Variants in NEFH observed in about 807,000 individuals in gnomAD.
NEFH encodes neurofilament heavy polypeptide.
A neutral mutation model predicts 56.6 loss-of-function variants in NEFH; 58 were observed. The ratio of observed to expected loss-of-function variants is 1.03; its 90% confidence interval spans 0.83 to 1.28. NEFH has a LOEUF of 1.28. Among genes scored for constraint, NEFH ranks in the 50% most tolerant of loss-of-function variants. The pLI, the probability that NEFH is intolerant of heterozygous loss-of-function variation, is 0.00. For missense variants in NEFH, 1,221 were observed against 1,307.6 expected (o/e 0.93, Z 1.02); for synonymous variants, 542 against 545.8 (o/e 0.99, Z 0.10).
Position 29,490,129 on chromosome 22 carries a change from C to T in NEFH, c.2489C>T (p.Pro830Leu), listed in dbSNP as rs201757428. ...VKSPVKEEEK[P>L]QEVKVKEPPK... ...TCCCCAGTGAAGGAGGAGGAGAAGCCCCAGGAGGTGAAAGTCAAAGAGCCC... is the reference window on the plus strand; with the variant it reads ...TCCCCAGTGAAGGAGGAGGAGAAGCTCCAGGAGGTGAAAGTCAAAGAGCCC... Residue 830 changes from proline (P) to leucine (L), a missense_variant, in exon 4 of 4, where the codon CCC becomes CTC. This residue lies in a region of NEFH where 301 missense variants were observed against 346.6 expected (regional missense o/e 0.87). Coordinates refer to ENST00000310624, the MANE Select transcript of NEFH (RefSeq NM_021076.4). The T allele has an allele frequency of 6.2e-6, 10 of 1,613,680 alleles. 1 individual carries two copies. The East Asian group carries it at 1.8e-4, about 29-fold the overall frequency.
Position 29,489,583 on chromosome 22 carries a change from C to A in NEFH, c.1943C>A (p.Ser648Tyr), listed in dbSNP as rs1187899870. ...AKSPTKEEAK[S>Y]PEKAKSPEKE... The stretch of plus-strand genomic sequence containing the variant: ...TCTCCAACGAAGGAGGAAGCAAAGT[C>A]CCCTGAGAAGGCCAAGTCCCCAGAG... Residue 648 changes from serine (S) to tyrosine (Y), a missense_variant, in exon 4 of 4, where the codon TCC (serine) becomes TAC (tyrosine). Transcript: ENST00000310624. 1 of 1,613,144 alleles carries A rather than the reference C, an allele frequency of 6.2e-7. No homozygotes were observed. Among genetic ancestry groups the A allele is most frequent in the Non-Finnish European group, 8.5e-7 (1 of 1,179,572 alleles).
chr22:29,486,335 A>G lies in NEFH; in HGVS notation c.1208+488A>G, dbSNP rs6006162. Among the ~76,000 whole-genome samples the G allele has an allele frequency of 8.7e-3, 1,314 of 151,670 alleles. 23 individuals are homozygous for G. The highest frequency in any genetic ancestry group is 0.03 in the African/African-American group (1,235 of 41,370). ...CCACCATGACCAGCCCCATTCAACA[A>G]TGTTAAGTAGGCAGTTCAGTGATAT... On this transcript the variant is annotated intron_variant, in intron 3 of 3. Transcript: ENST00000310624.
chr22:29,485,950 G>A, intron 3 of NEFH, 103 bp downstream of exon 3: 1 of 1,276,598 alleles, frequency 7.8e-7, no homozygotes. Context: ...ACCTGTCTTA[G>A]GGACAAAATT....
chr22:29,489,987 G>T lies in NEFH; in HGVS notation c.2347G>T (p.Glu783Ter). Reference protein sequence around the residue: ...EARSPADKFPEKAKSPVKEEV... With the variant: ...EARSPADKFP Reference sequence around the variant, plus strand: ...AAGGTCCCCTGCAGACAAATTCCCTGAAAAGGCCAAAAGCCCTGTCAAGGA... The same window carrying T: ...AAGGTCCCCTGCAGACAAATTCCCTTAAAAGGCCAAAAGCCCTGTCAAGGA... The change falls in exon 4 of 4, where the codon GAA (glutamate) becomes TAA (stop). Residue 783 changes from glutamate to a stop codon, truncating the protein, a stop_gained. Transcript: ENST00000310624. LOFTEE classifies it high-confidence loss of function. 6.2e-7 allele frequency: 1 copy of T among 1,613,650 alleles called. No individual in the cohort carries two copies. Among genetic ancestry groups the T allele is most frequent in the South Asian group, 1.1e-5 (1 of 91,050 alleles).
chr22:29,486,562 G>C (rs1423407780), intron 3 of NEFH, among the ~76,000 whole-genome samples: 1 of 113,606 alleles, frequency 8.8e-6, no homozygotes, highest in Non-Finnish European at 1.7e-5. Flanking sequence ...TCACTCTGTT[G>C]CCCAGGCTGG....
Position 29,480,509 on chromosome 22 carries a change from G to A in NEFH, c.247G>A (p.Gly83Arg). 2 of 1,534,764 alleles carry A rather than the reference G, an allele frequency of 1.3e-6. No homozygotes were observed. The highest frequency in any genetic ancestry group is 1.7e-6 in the Non-Finnish European group (2 of 1,146,994). ...CGACTCGCTGGACACGCTGAGCAAC[G>A]GGCCGGAGGGCTGCATGGTGGCGGT... ...STDSLDTLSN[G>R]PEGCMVAVAT... Residue 83 changes from glycine to arginine, a missense_variant, in exon 1 of 4, where the codon GGG (glycine) becomes AGG (arginine). Around this residue, in one of 4 missense-constraint regions of NEFH, gnomAD observed 640 missense variants for 555.5 expected, o/e 1.15. Coordinates refer to ENST00000310624, the MANE Select transcript of NEFH (RefSeq NM_021076.4).
chr22:29,485,212 C>T (rs567956038), intron 2 of NEFH, among the ~76,000 whole-genome samples: 1 of 152,284 alleles, frequency 6.6e-6, no homozygotes, highest in East Asian at 1.9e-4. Context: ...AAGCAATTCT[C>T]CTGTCTCAGC....
At position 29,488,996 on chromosome 22, in the gene NEFH, A is replaced by G. The variant is rs749015667; in HGVS notation, c.1356A>G (p.Lys452=). 36 of 1,614,126 alleles carry G rather than the reference A, an allele frequency of 2.2e-5. No homozygotes were observed. The highest frequency in any genetic ancestry group is 1.7e-4 in the Admixed American group (10 of 59,998). The change falls in exon 4 of 4, where the codon AAA becomes AAG. Residue 452 remains lysine (K), a synonymous_variant. Coordinates refer to ENST00000310624, the MANE Select transcript of NEFH (RefSeq NM_021076.4). ...TCAAAGTGGTGGAGAAGTCTGAGAA[A>G]GAAACTGTGATTGTGGAGGAACAGA... ...EKIKVVEKSE[K]ETVIVEEQTE... is the part of the protein sequence containing the mutation.
chr22:29,489,067 A>C lies in NEFH; in HGVS notation c.1427A>C (p.Lys476Thr). The C allele has an allele frequency of 3.7e-6, 6 of 1,613,898 alleles. No homozygotes were observed. The highest frequency in any genetic ancestry group is 4.2e-6 in the Non-Finnish European group (5 of 1,179,828). ...VTEEVTEEEE[K>T]EAKEEEGKEE... is the part of the protein sequence containing the mutation. ...GAAGAAGTGACTGAAGAAGAGGAGA[A>C]AGAGGCCAAAGAGGAGGAGGGCAAG... Residue 476 changes from lysine to threonine, a missense_variant, in exon 4 of 4, where the codon AAA (lysine) becomes ACA (threonine). Physicochemically the swap from Lys to Thr is moderately conservative, Grantham distance 78. This residue lies in a region of NEFH where 243 missense variants were observed against 299.1 expected (regional missense o/e 0.81). Coordinates refer to ENST00000310624, the MANE Select transcript of NEFH (RefSeq NM_021076.4).
chr22:29,490,008 A>C lies in NEFH; in HGVS notation c.2368A>C (p.Lys790Gln). 6.2e-7 allele frequency: 1 copy of C among 1,610,610 alleles called. No individual in the cohort carries two copies. The highest frequency in any genetic ancestry group is 8.5e-7 in the Non-Finnish European group (1 of 1,177,364). Residue 790 changes from lysine (K) to glutamine (Q), a missense_variant, in exon 4 of 4, where the codon AAG (lysine) becomes CAG (glutamine). Lys to Gln is a moderately conservative substitution (Grantham distance 53). This residue lies in a region of NEFH where 301 missense variants were observed against 346.6 expected (regional missense o/e 0.87). Coordinates refer to ENST00000310624, the MANE Select transcript of NEFH (RefSeq NM_021076.4). ...KFPEKAKSPV[K>Q]EEVKSPEKAK... ...CCCTGAAAAGGCCAAAAGCCCTGTCAAGGAGGAGGTCAAGTCCCCAGAGAA... is the reference window on the plus strand; with the variant it reads ...CCCTGAAAAGGCCAAAAGCCCTGTCCAGGAGGAGGTCAAGTCCCCAGAGAA...
chr22:29,482,478 A>AATG (rs1569195265), intron 1 of NEFH, among the ~76,000 whole-genome samples: 1 of 152,160 alleles, frequency 6.6e-6, no homozygotes, highest in Non-Finnish European at 1.5e-5. Flanking sequence ...TGTGGCTACC[A>AATG]ATGCTCAGGG....
At position 29,481,164 on chromosome 22, in the gene NEFH, G is replaced by C. The variant is rs1051748509; in HGVS notation, c.883+19G>C. 7.9e-6 allele frequency: 12 copies of C among 1,524,416 alleles called. No homozygotes were observed. The highest frequency in any genetic ancestry group is 2.5e-5 in the East Asian group (1 of 40,672). The allele number at this position is 1,524,416 out of a possible 1,614,324, so 94.4% of individuals were successfully genotyped here. A position where few individuals can be genotyped will look rare whatever the true frequency, so the allele number is the denominator to read the frequency against. On this transcript the variant is annotated intron_variant, in intron 1 of 3. Transcript: ENST00000310624. ...TTCCGAGGTACGCAGGCGCGCGGGT[G>C]GGGGGAGGGGCGCCCCTGCTGACCC...
chr22:29,480,672 C>A lies in NEFH; in HGVS notation c.410C>A (p.Ala137Glu). Residue 137 changes from alanine (A) to glutamate (E), a missense_variant, in exon 1 of 4, where the codon GCG (alanine) becomes GAG (glutamate). Transcript: ENST00000310624. Reference protein sequence around the residue: ...GEAAALRQQQAGRSAMGELYE... With the variant: ...GEAAALRQQQEGRSAMGELYE... ...GCTGCGGCGCTGCGGCAGCAGCAGG[C>A]GGGCCGCTCCGCTATGGGCGAGCTG... 6.5e-7 allele frequency: 1 copy of A among 1,545,506 alleles called. No individual in the cohort carries two copies. Among genetic ancestry groups the A allele is most frequent in the Non-Finnish European group, 8.7e-7 (1 of 1,154,038 alleles).
At chr22:29,483,147 C>T (rs751267076) in intron 1 of NEFH, among the ~76,000 whole-genome samples, 1 of 152,038 alleles carries the variant, frequency 6.6e-6, no homozygotes, top group African/African-American at 2.4e-5. Flanking sequence ...GGCGTAGTGG[C>T]AGGTGCCTGT....
rs777482920 is a variant in NEFH at position 29,489,875 on chromosome 22, G to A, written c.2235G>A (p.Lys745=). Residue 745 remains lysine (K), a synonymous_variant, in exon 4 of 4, where the codon AAG becomes AAA. Coordinates refer to ENST00000310624, the MANE Select transcript of NEFH (RefSeq NM_021076.4). ...KAKSPVKEEA[K]SPEKAKSPEK... ...AGTCCCCAGTGAAGGAAGAAGCTAA[G>A]TCCCCAGAGAAGGCCAAGTCCCCAG... is the stretch of plus-strand genomic sequence containing the variant. The A allele has an allele frequency of 6.3e-7, 1 of 1,577,060 alleles. No individual in the cohort carries two copies.
rs1238315312 is a variant in NEFH, at chr22:29,489,243, A to C, written c.1603A>C (p.Lys535Gln). 1.2e-6 allele frequency: 2 copies of C among 1,614,118 alleles called. No individual in the cohort carries two copies. The highest frequency in any genetic ancestry group is 1.7e-6 in the Non-Finnish European group (2 of 1,180,024). Residue 535 changes from lysine (K) to glutamine (Q), a missense_variant, in exon 4 of 4, where the codon AAG becomes CAG. Around this residue, in one of 4 missense-constraint regions of NEFH, gnomAD observed 243 missense variants for 299.1 expected, o/e 0.81. Coordinates refer to ENST00000310624, the MANE Select transcript of NEFH (RefSeq NM_021076.4). ...ACCGGCTGAGGCCAAGTCCCCAGAG[A>C]AGGAGGAAGCAAAATCCCCAGCCGA... ...KSPAEAKSPE[K>Q]EEAKSPAEVK...
chr22:29,483,756 C>T (rs77685295), intron 2 of NEFH, among the ~76,000 whole-genome samples, 182 bp downstream of exon 2: 2 of 131,046 alleles, frequency 1.5e-5, no homozygotes, highest in Non-Finnish European at 3.1e-5. Context: ...ATCTGAGTTC[C>T]TTTCCAGCCA....
chr22:29,487,971 C>G (rs982369801), intron 3 of NEFH, among the ~76,000 whole-genome samples: 1 of 152,140 alleles, frequency 6.6e-6, no homozygotes, highest in Admixed American at 6.6e-5. Flanking sequence ...CGGCCTCTAC[C>G]CTATTCCTGA....
chr22:29,490,337 TA>T lies in NEFH; in HGVS notation c.2699del (p.Lys900ArgfsTer17). The T allele has an allele frequency of 6.2e-7, 1 of 1,611,868 alleles. No homozygotes were observed. Among genetic ancestry groups the T allele is most frequent in the Non-Finnish European group, 8.5e-7 (1 of 1,179,352 alleles). On this transcript the variant is annotated frameshift_variant, in exon 4 of 4. Coordinates refer to ENST00000310624, the MANE Select transcript of NEFH (RefSeq NM_021076.4). LOFTEE classifies it high-confidence loss of function. The part of the protein sequence containing the change: ...VEAKKEEAED[K>X]KKVPTPEKEA... ...AAGCCAAGAAGGAAGAGGCTGAAGA[TA>T]AGAAAAAAGTCCCCACCCCAGAGAA... is the stretch of plus-strand genomic sequence containing the variant.
Sources: gnomAD v4.1 joint callset for allele counts (sites outside exome capture counted in the v4.1 genomes callset) on GRCh38, gnomAD v4.1.1 for gene constraint, gnomAD v4.1.1 regional missense constraint, MANE v1.5 for transcripts, NCBI Gene and HGNC (gene_info 2026-07-23, HGNC 2026-07-21) for gene names.